DOCK5: variants seen among roughly 807,000 people sequenced by gnomAD.
DOCK5 encodes the protein dedicator of cytokinesis protein 5.
Under a neutral mutation model 251.8 loss-of-function variants are expected in DOCK5, and 142 were observed. The ratio of observed to expected loss-of-function variants is 0.56; its 90% CI spans 0.49 to 0.65. The LOEUF (loss-of-function observed/expected upper bound fraction) is 0.65. Among genes scored for constraint, DOCK5 ranks in the 30% least tolerant of loss-of-function variants. The pLI, the probability that DOCK5 is intolerant of heterozygous loss-of-function variation, is 0.00. For synonymous variants in DOCK5, 842 were observed against 835.5 expected (o/e 1.01, Z -0.13); for missense variants, 2,111 against 2,312.3 (o/e 0.91, Z 1.79).
rs1804843968 is a variant in DOCK5 at position 25,304,305 on chromosome 8, C to G, written c.1027C>G (p.Gln343Glu). 6.2e-7 allele frequency: 1 copy of G among 1,609,996 alleles called. No individual in the cohort carries two copies. The highest frequency in any genetic ancestry group is 2.2e-5 in the East Asian group (1 of 44,632). ...IHGKVDDEEK[Q>E]HFIPFQQIAM... is the part of the protein sequence containing the mutation. ...TGGGAAGGTGGATGATGAAGAAAAGCAGCATTTTATTCCCTTTCAGCAGTA... is the reference window on the plus strand; with the variant it reads ...TGGGAAGGTGGATGATGAAGAAAAGGAGCATTTTATTCCCTTTCAGCAGTA... Residue 343 changes from glutamine to glutamate, a missense_variant, in exon 11 of 52, where the codon CAG becomes GAG. Coordinates refer to ENST00000276440, the MANE Select transcript of DOCK5 (RefSeq NM_024940.8).
intron 17 of DOCK5, 108 bp downstream of exon 17, chr8:25,324,059 T>C (rs946107098): frequency 2.7e-5 from 34 of 1,249,858 alleles, no homozygotes; most frequent in Non-Finnish European, 3.5e-5. Flanking sequence ...TAGAGCTTTC[T>C]GTACTTGCCC....
intron 27 of DOCK5, among the ~76,000 whole-genome samples, chr8:25,354,636 G>GA (rs1244805128): frequency 1.3e-5 from 2 of 152,078 alleles, no homozygotes; most frequent in East Asian, 3.9e-4. Flanking sequence ...GCATAAGAAG[G>GA]AAAAAAAGTG....
At chr8:25,266,792 A>G (rs1798648286) in intron 2 of DOCK5, among the ~76,000 whole-genome samples, 1 of 150,276 alleles carries the variant, frequency 6.7e-6, no homozygotes, top group South Asian at 2.1e-4. Context: ...TTGTGCCTTT[A>G]GGTAGGGCTT....
intron 1 of DOCK5, among the ~76,000 whole-genome samples, chr8:25,198,102 C>T (rs376576001): frequency 3.3e-5 from 5 of 152,134 alleles, no homozygotes; most frequent in African/African-American, 1.2e-4. Flanking sequence ...AGACTAATTC[C>T]CTCTTGAAAA....
intron 30 of DOCK5, among the ~76,000 whole-genome samples, chr8:25,365,773 A>G (rs1267617614): frequency 6.6e-6 from 1 of 152,084 alleles, no homozygotes; most frequent in African/African-American, 2.4e-5. Context: ...TTTCCTTTTG[A>G]TTCAGTTCTA....
intron 37 of DOCK5, chr8:25,375,479 A>G (rs563747380): frequency 8.9e-4 from 139 of 156,540 alleles, no homozygotes; most frequent in Non-Finnish European, 1.4e-3. Flanking sequence ...GGCTCAAGCA[A>G]TCCTCCCACT....
At chr8:25,245,832 G>C (rs1803089258) in intron 2 of DOCK5, among the ~76,000 whole-genome samples, 1 of 152,180 alleles carries the variant, frequency 6.6e-6, no homozygotes, top group South Asian at 2.1e-4. Flanking sequence ...GAGCCACCAT[G>C]CCTGGTGGCA....
chr8:25,356,378 A>G (rs1470995232), intron 27 of DOCK5, among the ~76,000 whole-genome samples: 2 of 151,774 alleles, frequency 1.3e-5, no homozygotes, highest in East Asian at 2.0e-4. Context: ...TTAGTTAACA[A>G]TTTGGGGCTG....
intron 1 of DOCK5, among the ~76,000 whole-genome samples, chr8:25,197,114 C>T (rs918359929): frequency 1.1e-4 from 3 of 26,288 alleles, no homozygotes; most frequent in Non-Finnish European, 7.3e-4. Context: ...TATGCCTACT[C>T]TCCGTGGACA....
In DOCK5 at chr8:25,226,193, G is replaced by A. The variant is rs371912974; in HGVS notation, c.44-17481G>A. ...AAAAAAGTAAAATAAAATTTAAAAA[G>A]AGGGTAGTATGTATCCTCCACACTA... On this transcript the variant is annotated intron_variant, in intron 1 of 51. Transcript: ENST00000276440. Among the ~76,000 whole-genome samples, 28 of 151,662 alleles carry A rather than the reference G, an allele frequency of 1.8e-4. No individual in the cohort carries two copies. In the East Asian group the frequency reaches 5.4e-3, roughly 29 times the overall value.
chr8:25,230,866 A>C (rs1036808353), intron 1 of DOCK5, among the ~76,000 whole-genome samples: 1 of 152,096 alleles, frequency 6.6e-6, no homozygotes, highest in Non-Finnish European at 1.5e-5. Flanking sequence ...TAAATAAATA[A>C]ATAAATAAAT....
intron 1 of DOCK5, among the ~76,000 whole-genome samples, chr8:25,197,531 G>C (rs1801758779): frequency 6.8e-6 from 1 of 146,306 alleles, no homozygotes; most frequent in African/African-American, 2.5e-5. Context: ...TCAGATAATA[G>C]TTGGACCCCA....
At position 25,413,123 on chromosome 8, in the gene DOCK5, A is replaced by G. The variant is rs1455365166; in HGVS notation, c.*1825A>G. ...AAATTATCTGAGTTTTCATTTTCTCACCTTCCAGAATGGGGATAATGCCTC... is the reference window on the plus strand; with the variant it reads ...AAATTATCTGAGTTTTCATTTTCTCGCCTTCCAGAATGGGGATAATGCCTC... On this transcript the variant is annotated 3_prime_UTR_variant, in exon 52 of 52. Transcript: ENST00000276440. 3 of 152,148 alleles carry G rather than the reference A, an allele frequency of 2.0e-5. No individual in the cohort carries two copies. The highest frequency in any genetic ancestry group is 2.0e-4 in the Admixed American group (3 of 15,266). 9.4% of individuals were successfully genotyped at this position (152,148 alleles called of 1,614,324 possible).
chr8:25,371,935 C>G (rs1800880393), intron 34 of DOCK5, among the ~76,000 whole-genome samples: 1 of 152,168 alleles, frequency 6.6e-6, no homozygotes, highest in Non-Finnish European at 1.5e-5. Flanking sequence ...GAACTTGGCT[C>G]TGTGTGGGTC....
In DOCK5 at chr8:25,410,177, A is replaced by G. The variant is rs1370615868; in HGVS notation, c.5483A>G (p.Glu1828Gly). 1 of 1,613,536 alleles carries G rather than the reference A, an allele frequency of 6.2e-7. No homozygotes were observed. The highest frequency in any genetic ancestry group is 1.7e-5 in the Admixed American group (1 of 59,928). ...PPPPPKSKPY[E>G]GSQRNSTELA... ...CCTCCCCCCAAAAGCAAGCCCTATG[A>G]AGGCAGCCAGAGGAACTCCACTGAG... The change falls in exon 51 of 52, where the codon GAA becomes GGA. Residue 1828 changes from glutamate (E) to glycine (G), a missense_variant. Around this residue, in one of 3 missense-constraint regions of DOCK5, gnomAD observed 1,717 missense variants for 1,892.4 expected, o/e 0.91. Coordinates refer to ENST00000276440, the MANE Select transcript of DOCK5 (RefSeq NM_024940.8).
chr8:25,214,139 G>A (rs1045015943), intron 1 of DOCK5, among the ~76,000 whole-genome samples: 8 of 152,110 alleles, frequency 5.3e-5, no homozygotes, highest in African/African-American at 1.9e-4. Flanking sequence ...ACTCTCTCAT[G>A]GCAACGCTCT....
At chr8:25,372,399 T>C (rs1240982786) in intron 34 of DOCK5, among the ~76,000 whole-genome samples, 160 bp from the exon 35 acceptor site, 1 of 152,124 alleles carries the variant, frequency 6.6e-6, no homozygotes, top group African/African-American at 2.4e-5. Context: ...GCATGAGGTG[T>C]GTGTGTGTCG....
At chr8:25,241,338 C>T (rs745668243) in intron 1 of DOCK5, among the ~76,000 whole-genome samples, 8 of 152,022 alleles carry the variant, frequency 5.3e-5, no homozygotes, top group Non-Finnish European at 8.8e-5. Flanking sequence ...ATTAGCTGGG[C>T]TTGGTGGCGG....
chr8:25,292,211 C>A, intron 6 of DOCK5, 39 bp downstream of exon 6: 2 of 1,518,212 alleles, frequency 1.3e-6, no homozygotes, highest in Admixed American at 2.1e-5. Context: ...GAAAACTTGG[C>A]GAACAGTGGG....
Sources: gnomAD v4.1 joint callset for allele counts (sites outside exome capture counted in the v4.1 genomes callset) on GRCh38, gnomAD v4.1.1 for gene constraint, gnomAD v4.1.1 regional missense constraint, MANE v1.5 for transcripts, NCBI Gene and HGNC (gene_info 2026-07-23, HGNC 2026-07-21) for gene names.